The following TECRL variants were observed in gnomAD, a reference collection of about 807,000 sequenced individuals.
The protein encoded by TECRL is trans-2,3-enoyl-CoA reductase like.
In TECRL, 63 loss-of-function variants were observed where a neutral mutation model predicts 52.8. The observed-to-expected ratio is 1.19, with a 90% CI of 0.97 to 1.47. TECRL has a LOEUF of 1.47. Ranked by LOEUF, TECRL falls within the 40% of genes most tolerant of loss-of-function variation. The pLI, the probability that TECRL is intolerant of heterozygous loss-of-function variation, is 0.00. For missense variants in TECRL, 482 were observed against 429.6 expected (o/e 1.12, Z -1.08); for synonymous variants, 164 against 141.9 (o/e 1.16, Z -1.10).
intron 1 of TECRL, among the ~76,000 whole-genome samples, chr4:64,378,255 G>A (rs892292458): frequency 1.3e-5 from 2 of 151,934 alleles, no homozygotes; most frequent in Non-Finnish European, 2.9e-5. Context: ...GAAAAAAATA[G>A]GTCTGAGAAT....
In TECRL at chr4:64,279,995, T is replaced by C. The variant is rs1011677840; in HGVS notation, c.*77A>G. 1.1e-5 allele frequency: 17 copies of C among 1,491,430 alleles called. No individual in the cohort carries two copies. In the South Asian group the frequency reaches 1.6e-4, roughly 14 times the overall value. 92.4% of individuals were successfully genotyped at this position (1,491,430 alleles called of 1,614,324 possible). On this transcript the variant is annotated 3_prime_UTR_variant, in exon 12 of 12. Coordinates refer to ENST00000381210, the MANE Select transcript of TECRL (RefSeq NM_001010874.5). Reference sequence around the variant, plus strand: ...TTGCTCATGAATTGTTGGAGTATAATAGTTAACTATCCTTAACTAAGTCTT... The same window carrying C: ...TTGCTCATGAATTGTTGGAGTATAACAGTTAACTATCCTTAACTAAGTCTT...
At chr4:64,365,843 T>C (rs1721564043) in intron 2 of TECRL, among the ~76,000 whole-genome samples, 1 of 152,034 alleles carries the variant, frequency 6.6e-6, no homozygotes, top group South Asian at 2.1e-4. Context: ...CATGTCAAAC[T>C]ACCAATGACA....
intron 4 of TECRL, among the ~76,000 whole-genome samples, chr4:64,318,289 A>G (rs1288825429): frequency 6.6e-6 from 1 of 152,132 alleles, no homozygotes; most frequent in South Asian, 2.1e-4. Flanking sequence ...AACAAAAACT[A>G]TCTCTTATGT....
chr4:64,387,780 A>G (rs1489038201), intron 1 of TECRL, among the ~76,000 whole-genome samples: 2 of 151,992 alleles, frequency 1.3e-5, no homozygotes, highest in Non-Finnish European at 2.9e-5. Flanking sequence ...TGATAAAACT[A>G]TGTGATTTGT....
intron 5 of TECRL, among the ~76,000 whole-genome samples, chr4:64,313,474 TCC>T (rs1184904997): frequency 3.1e-5 from 4 of 127,358 alleles, no homozygotes; most frequent in Non-Finnish European, 6.4e-5. Context: ...ATTGCCTTAC[TCC>T]TTTTTTTTTT....
intron 2 of TECRL, among the ~76,000 whole-genome samples, chr4:64,357,511 G>T (rs1244466349): frequency 6.6e-6 from 1 of 151,288 alleles, no homozygotes; most frequent in Non-Finnish European, 1.5e-5. Flanking sequence ...CTGATATTCA[G>T]ATATTATTTT....
At chr4:64,396,294 A>G (rs1723947559) in intron 1 of TECRL, among the ~76,000 whole-genome samples, 1 of 152,182 alleles carries the variant, frequency 6.6e-6, no homozygotes. Context: ...CCAGGAGTAC[A>G]TAAGTATTCC....
At chr4:64,405,887 G>A (rs949947052) in intron 1 of TECRL, among the ~76,000 whole-genome samples, 2 of 152,100 alleles carry the variant, frequency 1.3e-5, no homozygotes, top group Non-Finnish European at 1.5e-5. Flanking sequence ...AGTGGAAAAT[G>A]TTGTTGATAT....
chr4:64,295,571 C>G (rs1723633671), intron 8 of TECRL, among the ~76,000 whole-genome samples: 1 of 151,288 alleles, frequency 6.6e-6, no homozygotes, highest in Non-Finnish European at 1.5e-5. Flanking sequence ...AAAATAGCAC[C>G]ATAAAGTGAA....
chr4:64,287,141 C>T (rs1205564505), intron 9 of TECRL, among the ~76,000 whole-genome samples: 1 of 152,002 alleles, frequency 6.6e-6, no homozygotes, highest in Non-Finnish European at 1.5e-5. Flanking sequence ...CAGCATTGGC[C>T]TTACATGTAA....
intron 6 of TECRL, among the ~76,000 whole-genome samples, chr4:64,307,597 T>A (rs1055805608): frequency 2.0e-5 from 3 of 152,130 alleles, no homozygotes; most frequent in African/African-American, 7.2e-5. Context: ...TAACAATCCA[T>A]CTTCAGCCTG....
At chr4:64,401,348 C>T (rs1724348246) in intron 1 of TECRL, among the ~76,000 whole-genome samples, 1 of 152,148 alleles carries the variant, frequency 6.6e-6, no homozygotes. Context: ...TTATTACTTT[C>T]CTGCCTCTTT....
intron 7 of TECRL, among the ~76,000 whole-genome samples, chr4:64,304,466 C>G (rs1329434039): frequency 6.6e-6 from 1 of 151,898 alleles, no homozygotes; most frequent in African/African-American, 2.4e-5. Flanking sequence ...TTTGAATATA[C>G]CATTTATTTT....
chr4:64,387,355 G>A (rs543491378), intron 1 of TECRL, among the ~76,000 whole-genome samples: 19 of 152,236 alleles, frequency 1.2e-4, no homozygotes, highest in African/African-American at 4.6e-4. Flanking sequence ...AATTGTGGAT[G>A]CAGCTGCCAT....
chr4:64,380,921 T>A (rs1436848268), intron 1 of TECRL, among the ~76,000 whole-genome samples: 6 of 152,130 alleles, frequency 3.9e-5, no homozygotes, highest in African/African-American at 1.4e-4. Flanking sequence ...GTTTTTCTAT[T>A]TTGTAAAGAA....
At chr4:64,363,814 G>GT (rs1161864891) in intron 2 of TECRL, among the ~76,000 whole-genome samples, 1 of 152,068 alleles carries the variant, frequency 6.6e-6, no homozygotes, top group African/African-American at 2.4e-5. Flanking sequence ...GTTAGCACAG[G>GT]TATTTGAATA....
At chr4:64,333,736 C>T (rs1186079911) in intron 2 of TECRL, among the ~76,000 whole-genome samples, 1 of 149,318 alleles carries the variant, frequency 6.7e-6, no homozygotes, top group African/African-American at 2.5e-5. Context: ...GAGAGAATGT[C>T]CTGGCCGGGC....
intron 8 of TECRL, 58 bp from the exon 9 acceptor site, chr4:64,289,825 A>T (rs1723280320): frequency 4.5e-6 from 5 of 1,119,432 alleles, no homozygotes; most frequent in South Asian, 1.8e-5. Context: ...TTTTAAAAAA[A>T]CATATTCTAG....
intron 2 of TECRL, among the ~76,000 whole-genome samples, chr4:64,332,330 A>G (rs992610400): frequency 2.0e-5 from 3 of 152,176 alleles, no homozygotes; most frequent in African/African-American, 4.8e-5. Context: ...ACTAAGCTCA[A>G]TTTTGAGTCA....
Sources: gnomAD v4.1 joint callset for allele counts (sites outside exome capture counted in the v4.1 genomes callset) on GRCh38, gnomAD v4.1.1 for gene constraint, MANE v1.5 for transcripts, NCBI Gene and HGNC (gene_info 2026-07-23, HGNC 2026-07-21) for gene names.